The following SASH1 variants were observed in gnomAD, a reference collection of about 807,000 sequenced individuals.
The protein encoded by SASH1 is SAM and SH3 domain-containing protein 1.
A neutral mutation model predicts 125.2 loss-of-function variants in SASH1; 44 were observed. That is an observed-to-expected ratio of 0.35 (90% CI 0.28 to 0.45). The LOEUF is 0.45. Ranked by LOEUF, SASH1 falls within the 20% of genes least tolerant of loss-of-function variation. The pLI, the probability that SASH1 is intolerant of heterozygous loss-of-function variation, is 1.00. For missense variants in SASH1, 1,426 were observed against 1,614.5 expected (o/e 0.88, Z 2.00); for synonymous variants, 639 against 649.1 (o/e 0.98, Z 0.24).
intron 12 of SASH1, among the ~76,000 whole-genome samples, chr6:148,528,000 TG>T (rs369465139): frequency 1.4e-5 from 1 of 71,968 alleles, no homozygotes; most frequent in African/African-American, 6.2e-5. Context: ...GGGGGGGGGG[TG>T]GCAGTAGACT....
chr6:148,455,816 GGT>G (rs1295231696), intron 4 of SASH1, among the ~76,000 whole-genome samples: 1 of 152,212 alleles, frequency 6.6e-6, no homozygotes, highest in African/African-American at 2.4e-5. Flanking sequence ...AAGTAGGGCA[GGT>G]GGGCGGCTCC....
rs13193483 is a variant in SASH1 at position 148,418,696 on chromosome 6, G to A, written c.286-21488G>A. ...CTTGAGATGTTAATGGTGAGCAACC[G>A]ATAGCCTGTGCCCAGGGTACACTGA... On this transcript the variant is annotated intron_variant, in intron 2 of 19. Transcript: ENST00000367467. 1.7e-3 allele frequency among the ~76,000 whole-genome samples: 258 copies of A among 152,274 alleles called. 4 individuals are homozygous for A. Among genetic ancestry groups the A allele is most frequent in the Admixed American group, 0.016 (246 of 15,288 alleles).
chr6:148,330,204 T>G (rs1269834438), intron 1 of SASH1, among the ~76,000 whole-genome samples: 4 of 152,350 alleles, frequency 2.6e-5, no homozygotes, highest in South Asian at 4.1e-4. Flanking sequence ...ACGTGTGGTG[T>G]TGTTGTTCAC....
At position 148,519,931 on chromosome 6, in the gene SASH1, G is replaced by A. The variant is rs201532000; in HGVS notation, c.1209+38G>A. Reference sequence around the variant, plus strand: ...GGTGTTTGCTTCTATGACAACCACCGTCGCAGGCACCACCTTCTGGTGTCC... The same window carrying A: ...GGTGTTTGCTTCTATGACAACCACCATCGCAGGCACCACCTTCTGGTGTCC... On this transcript the variant is annotated intron_variant, in intron 10 of 19. Transcript: ENST00000367467. The surrounding 1 kb of genome is among the most constrained non-coding windows in gnomAD (Gnocchi z 4.8). The A allele has an allele frequency of 3.6e-4, 516 of 1,414,500 alleles. 1 individual carries two copies. In the Middle Eastern group the frequency reaches 3.7e-3, roughly 10 times the overall value. The allele number at this position is 1,414,500 out of a possible 1,614,324, so 87.6% of individuals were successfully genotyped here. A position where few individuals can be genotyped will look rare whatever the true frequency, so the allele number is the denominator to read the frequency against.
intron 2 of SASH1, among the ~76,000 whole-genome samples, chr6:148,410,734 G>T (rs1427203150): frequency 4.6e-5 from 7 of 152,184 alleles, no homozygotes; most frequent in Non-Finnish European, 8.8e-5. Context: ...AAACAACCAT[G>T]TTGCTTTAGA....
chr6:148,248,726 T>C, the SASH1 span, among the ~76,000 whole-genome samples: 4 of 152,332 alleles, frequency 2.6e-5, no homozygotes, highest in East Asian at 7.7e-4. Flanking sequence ...CAGAAGGAGC[T>C]TCATTTGGTG....
intron 2 of SASH1, among the ~76,000 whole-genome samples, chr6:148,436,745 A>G (rs1340520093): frequency 3.9e-5 from 6 of 152,150 alleles, no homozygotes; most frequent in Admixed American, 3.9e-4. Context: ...GAGGCTCCAA[A>G]CACTGTAGAG....
intron 4 of SASH1, among the ~76,000 whole-genome samples, chr6:148,448,284 G>A (rs999981581): frequency 1.3e-5 from 2 of 152,140 alleles, no homozygotes; most frequent in Admixed American, 6.5e-5. Flanking sequence ...GCACAAACAT[G>A]CTTAGGTCTT....
chr6:148,425,805 C>T (rs1166668893), intron 2 of SASH1, among the ~76,000 whole-genome samples: 2 of 148,566 alleles, frequency 1.3e-5, no homozygotes, highest in Non-Finnish European at 3.0e-5. Context: ...AATCTTGGCT[C>T]ACGGCAACCT....
At chr6:148,489,623 T>C (rs769728715) in intron 8 of SASH1, among the ~76,000 whole-genome samples, 2 of 152,220 alleles carry the variant, frequency 1.3e-5, no homozygotes, top group Non-Finnish European at 2.9e-5. Flanking sequence ...CATTTATTTA[T>C]GTCTTCATTA....
At chr6:148,430,123 G>C (rs1236913459) in intron 2 of SASH1, among the ~76,000 whole-genome samples, 1 of 152,202 alleles carries the variant, frequency 6.6e-6, no homozygotes, top group African/African-American at 2.4e-5. Context: ...GGAGCTAAAG[G>C]ATGAGTAGGA....
At chr6:148,256,437 G>A in the SASH1 span, among the ~76,000 whole-genome samples, 1 of 152,114 alleles carries the variant, frequency 6.6e-6, no homozygotes, top group African/African-American at 2.4e-5. Flanking sequence ...TCTTAAATAT[G>A]TGTATTCTTA....
At chr6:148,333,476 G>T (rs1781052635) in intron 1 of SASH1, among the ~76,000 whole-genome samples, 1 of 152,134 alleles carries the variant, frequency 6.6e-6, no homozygotes, top group Non-Finnish European at 1.5e-5. Context: ...CGGGAAATTT[G>T]CATTTGTAAC....
At chr6:148,344,971 G>A (rs902708544) in intron 1 of SASH1, among the ~76,000 whole-genome samples, 1 of 152,084 alleles carries the variant, frequency 6.6e-6, no homozygotes, top group Non-Finnish European at 1.5e-5. Context: ...AGCCAGGCTG[G>A]TCTCGAACTC....
At chr6:148,513,420 T>A in intron 8 of SASH1, 2 of 985,492 alleles carry the variant, frequency 2.0e-6, no homozygotes, top group Non-Finnish European at 2.4e-6. Context: ...TCTCTTATGC[T>A]GTTTCACATT....
At chr6:148,390,597 T>C (rs1783663842) in intron 2 of SASH1, among the ~76,000 whole-genome samples, 1 of 152,074 alleles carries the variant, frequency 6.6e-6, no homozygotes, top group African/African-American at 2.4e-5. Context: ...CCATCCTCGC[T>C]AACACGGTGA....
At chr6:148,467,944 A>G in intron 4 of SASH1, among the ~76,000 whole-genome samples, 1 of 152,272 alleles carries the variant, frequency 6.6e-6, no homozygotes, top group African/African-American at 2.4e-5. Context: ...CAAAAAAAAA[A>G]ATGCAGATTT....
chr6:148,362,192 G>T (rs1028996443), intron 1 of SASH1, among the ~76,000 whole-genome samples: 1 of 150,632 alleles, frequency 6.6e-6, no homozygotes, highest in Non-Finnish European at 1.5e-5. Flanking sequence ...CTCCCAAAGT[G>T]CTGGGATTAC....
intron 2 of SASH1, among the ~76,000 whole-genome samples, chr6:148,404,778 A>C (rs1374348080): frequency 2.0e-5 from 1 of 49,050 alleles, no homozygotes; most frequent in Admixed American, 2.6e-4. Flanking sequence ...CCTCGCCCTC[A>C]TCCCAGTCCC....
Sources: allele counts gnomAD v4.1 joint callset (sites outside exome capture counted in the v4.1 genomes callset), GRCh38; gene constraint gnomAD v4.1.1; non-coding constraint Gnocchi (gnomAD v3.1); transcripts MANE v1.5; gene names NCBI Gene and HGNC (gene_info 2026-07-23, HGNC 2026-07-21).